The following PIGN variants were observed in gnomAD, a reference collection of about 807,000 sequenced individuals.
The protein encoded by PIGN is phosphatidylinositol glycan anchor biosynthesis class N.
A neutral mutation model predicts 125.4 loss-of-function variants in PIGN; 117 were observed. That is an observed-to-expected ratio of 0.93 (90% CI 0.80 to 1.09). PIGN has a LOEUF of 1.09. Among genes scored for constraint, PIGN ranks in the 50% least tolerant of loss-of-function variants. The probability of loss-of-function intolerance (pLI) is 0.00; values close to 1 mark genes in which losing one functional copy is unlikely to be tolerated. For synonymous variants in PIGN, 392 were observed against 377.8 expected (o/e 1.04, Z -0.44); for missense variants, 1,075 against 1,094.9 (o/e 0.98, Z 0.26).
At position 62,084,548 on chromosome 18, in the gene PIGN, C is replaced by A. The variant is rs1365364213; in HGVS notation, c.2485G>T (p.Ala829Ser). The A allele has an allele frequency of 1.9e-6, 3 of 1,552,480 alleles. No individual in the cohort carries two copies. In the South Asian group the frequency reaches 3.6e-5, roughly 19 times the overall value. The change falls in exon 27 of 31, where the codon GCC (alanine) becomes TCC (serine). Residue 829 changes from alanine (A) to serine (S), a missense_variant. By Grantham distance (99) the Ala-to-Ser change is moderately conservative. Transcript: ENST00000640252. Reference sequence around the variant, plus strand: ...AAACTAACCTTCCACATCATCAGGGCTCCCATCATAAAAGGACTGAACACA... The same window carrying A: ...AAACTAACCTTCCACATCATCAGGGATCCCATCATAAAAGGACTGAACACA... ...LTVFSPFMMG[A>S]LMMWKILIPF...
intron 4 of PIGN, 135 bp from the exon 5 acceptor site, chr18:62,157,943 T>C (rs1244150251): frequency 1.2e-6 from 1 of 801,146 alleles, no homozygotes; most frequent in East Asian, 2.8e-5. Flanking sequence ...AGGAAAGGAA[T>C]TTTTCAAATT....
At chr18:62,115,002 A>C (rs1333207305) in intron 14 of PIGN, among the ~76,000 whole-genome samples, 4 of 152,244 alleles carry the variant, frequency 2.6e-5, no homozygotes. Flanking sequence ...TCCTGTGCTC[A>C]TGGCAGACTT....
At chr18:62,181,973 A>G (rs2037734409) in intron 1 of PIGN, among the ~76,000 whole-genome samples, 1 of 152,076 alleles carries the variant, frequency 6.6e-6, no homozygotes, top group South Asian at 2.1e-4. Context: ...TGATCCACCT[A>G]CCTCATCCTC....
At chr18:62,140,604 GTATTTAATAAAAAAGA>G (rs1599614317) in intron 11 of PIGN, 125 bp from the exon 12 acceptor site, 2 of 476,862 alleles carry the variant, frequency 4.2e-6, no homozygotes, top group East Asian at 7.2e-5. Flanking sequence ...CTTCAAACAT[GTATTTAATAAAAAAGA>G]TATTAATCTC....
chr18:62,102,687 T>A, intron 21 of PIGN, 107 bp downstream of exon 21: 1 of 550,190 alleles, frequency 1.8e-6, no homozygotes, highest in Non-Finnish European at 3.2e-6. Context: ...TGGCAGATAC[T>A]AAGTAGCATA....
At chr18:62,162,687 T>A (rs1197111457) in intron 2 of PIGN, among the ~76,000 whole-genome samples, 1 of 152,140 alleles carries the variant, frequency 6.6e-6, no homozygotes, top group Admixed American at 6.5e-5. Context: ...AGTAAGTAGA[T>A]GCTATTTTGC....
intron 30 of PIGN, among the ~76,000 whole-genome samples, chr18:62,057,213 C>T (rs1043273766): frequency 1.1e-4 from 17 of 152,160 alleles, no homozygotes; most frequent in African/African-American, 4.1e-4. Context: ...TCCCAAGATC[C>T]CATAGCTCCC....
At chr18:62,103,975 TCA>T (rs1192588933) in intron 20 of PIGN, among the ~76,000 whole-genome samples, 1 of 152,180 alleles carries the variant, frequency 6.6e-6, no homozygotes, top group Non-Finnish European at 1.5e-5. Context: ...GTAACAGACA[TCA>T]CAACCATGTT....
intron 9 of PIGN, 41 bp from the exon 10 acceptor site, chr18:62,146,066 G>C: frequency 1.2e-6 from 1 of 840,936 alleles, no homozygotes; most frequent in Admixed American, 2.7e-5. Context: ...AAATATAGAA[G>C]AACTAACTTA....
intron 21 of PIGN, among the ~76,000 whole-genome samples, chr18:62,101,961 C>G (rs2034453321): frequency 1.3e-5 from 2 of 152,072 alleles, no homozygotes; most frequent in Non-Finnish European, 2.9e-5. Flanking sequence ...TGTGTGGTGG[C>G]TCACGCCTGT....
At chr18:62,078,582 G>T (rs571432577) in intron 28 of PIGN, among the ~76,000 whole-genome samples, 2 of 152,266 alleles carry the variant, frequency 1.3e-5, no homozygotes, top group African/African-American at 4.8e-5. Context: ...GCTCAAATGC[G>T]AAGGCATAAA....
In PIGN at chr18:62,157,234, A is replaced by AAAGC; in HGVS notation, c.344-11_344-8dup. 6.7e-7 allele frequency: 1 copy of AAAGC among 1,499,344 alleles called. No homozygotes were observed. Among genetic ancestry groups the AAAGC allele is most frequent in the Non-Finnish European group, 9.3e-7 (1 of 1,080,324 alleles). 92.9% of individuals were successfully genotyped at this position (1,499,344 alleles called of 1,614,324 possible). On this transcript the variant is annotated splice_polypyrimidine_tract_variant and splice_region_variant and intron_variant, in intron 5 of 30. Transcript: ENST00000640252. ...ACAGGATTTTCCTTCCATCCTTCAG[A>AAAGC]AAGCAAGCAAGCAGTAATAGTTATA... is the stretch of plus-strand genomic sequence containing the variant.
At chr18:62,126,513 T>C (rs1166466882) in intron 14 of PIGN, among the ~76,000 whole-genome samples, 1 of 152,144 alleles carries the variant, frequency 6.6e-6, no homozygotes, top group East Asian at 1.9e-4. Context: ...CTTAAAAGCT[T>C]CATGTGAACT....
intron 1 of PIGN, among the ~76,000 whole-genome samples, chr18:62,180,499 CT>C (rs1224670427): frequency 6.6e-6 from 1 of 152,156 alleles, no homozygotes; most frequent in Non-Finnish European, 1.5e-5. Context: ...CTAAATCCCC[CT>C]AATTGCTTGA....
rs2035443010 is a variant in PIGN, at chr18:62,124,831, T to C, written c.1173-10192A>G. Among the ~76,000 whole-genome samples, 5 of 152,202 alleles carry C rather than the reference T, an allele frequency of 3.3e-5. No homozygotes were observed. In the South Asian group the frequency reaches 1.0e-3, roughly 31 times the overall value. On this transcript the variant is annotated intron_variant, in intron 14 of 30. Coordinates refer to ENST00000640252, the MANE Select transcript of PIGN (RefSeq NM_176787.5). Reference sequence around the variant, plus strand: ...TATTTTTCTTTGCTAAAAAACTTTATGTCTCATTATGTGCCTTTATGTAAA... The same window carrying C: ...TATTTTTCTTTGCTAAAAAACTTTACGTCTCATTATGTGCCTTTATGTAAA...
At chr18:62,167,290 G>A (rs1220620391) in intron 1 of PIGN, among the ~76,000 whole-genome samples, 3 of 1,554 alleles carry the variant, frequency 1.9e-3, no homozygotes, top group African/African-American at 2.2e-3. Context: ...ATATATATGT[G>A]TGTGTGTGTG....
chr18:62,056,505 T>A (rs540905779), intron 30 of PIGN, among the ~76,000 whole-genome samples: 1 of 87,108 alleles, frequency 1.1e-5, no homozygotes, highest in South Asian at 3.8e-4. Context: ...TCTCAGCAGA[T>A]GACTCTGCTT....
At chr18:62,101,792 C>A (rs887103589) in intron 21 of PIGN, among the ~76,000 whole-genome samples, 1 of 152,006 alleles carries the variant, frequency 6.6e-6, no homozygotes, top group African/African-American at 2.4e-5. Context: ...GTGGTCTAGA[C>A]GTGGTTATTT....
rs4941115 is a variant in PIGN, at chr18:62,164,652, C to T, written c.-235-996G>A. On this transcript the variant is annotated intron_variant, in intron 1 of 30. Transcript: ENST00000640252. ...CCCTCAACACATGGGGATTACAATT[C>T]GAGATGGGATTTGGGTGGGGACGCA... Among the ~76,000 whole-genome samples the T allele has an allele frequency of 3.8e-3, 577 of 152,250 alleles. 11 individuals are homozygous for T. Among genetic ancestry groups the T allele is most frequent in the Admixed American group, 0.033 (502 of 15,300 alleles).
Sources: allele counts gnomAD v4.1 joint callset (sites outside exome capture counted in the v4.1 genomes callset), GRCh38; gene constraint gnomAD v4.1.1; transcripts MANE v1.5; gene names NCBI Gene and HGNC (gene_info 2026-07-23, HGNC 2026-07-21).